NBEA: variants seen among roughly 807,000 people sequenced by gnomAD.
NBEA encodes neurobeachin.
In NBEA, 44 loss-of-function variants were observed where a neutral mutation model predicts 343.4. The ratio of observed to expected loss-of-function variants is 0.13; its 90% confidence interval spans 0.10 to 0.16. The LOEUF (loss-of-function observed/expected upper bound fraction) is 0.16. Among genes scored for constraint, NBEA ranks in the 10% least tolerant of loss-of-function variants. NBEA has a pLI of 1.00. For synonymous variants in NBEA, 1,175 were observed against 1,238.7 expected (o/e 0.95, Z 1.08); for missense variants, 2,555 against 3,631.3 (o/e 0.70, Z 7.62).
intron 34 of NBEA, among the ~76,000 whole-genome samples, chr13:35,235,100 A>G (rs1357053222): frequency 6.6e-6 from 1 of 152,194 alleles, no homozygotes; most frequent in Non-Finnish European, 1.5e-5. Context: ...TAGCCTAAAT[A>G]TTATGTTAGC....
chr13:35,242,007 G>A (rs922409325), intron 34 of NBEA, among the ~76,000 whole-genome samples: 30 of 151,744 alleles, frequency 2.0e-4, no homozygotes, highest in Non-Finnish European at 3.1e-4. Flanking sequence ...ATAGTACAAC[G>A]CACTCAAAGA....
rs867407100 is a variant in NBEA, at chr13:35,308,574, A to G, written c.5839-954A>G. ...TGTATATATGTATATATGTATATAT[A>G]TGTATATATGTATATATGTATATAT... is the stretch of plus-strand genomic sequence containing the variant. On this transcript the variant is annotated intron_variant, in intron 35 of 58. Transcript: ENST00000379939. 8.3e-4 allele frequency among the ~76,000 whole-genome samples: 103 copies of G among 124,090 alleles called. 1 individual carries two copies. The highest frequency in any genetic ancestry group is 3.1e-3 in the African/African-American group (92 of 30,122). 81.4% of individuals were successfully genotyped at this position (124,090 alleles called of 152,430 possible). A position where few individuals can be genotyped will look rare whatever the true frequency, so the allele number is the denominator to read the frequency against.
At chr13:35,559,129 G>T (rs893071220) in intron 44 of NBEA, among the ~76,000 whole-genome samples, 5 of 152,184 alleles carry the variant, frequency 3.3e-5, no homozygotes, top group African/African-American at 1.2e-4. Context: ...CAGCATTAAA[G>T]ACATGGGTGA....
intron 42 of NBEA, 48 bp downstream of exon 42, chr13:35,550,642 T>G (rs747869917): frequency 7.7e-6 from 9 of 1,165,532 alleles, no homozygotes; most frequent in African/African-American, 1.5e-5. Flanking sequence ...TATTTACATA[T>G]TATTCATTTA....
intron 18 of NBEA, among the ~76,000 whole-genome samples, chr13:35,153,624 A>G (rs909752215): frequency 1.3e-5 from 2 of 152,202 alleles, no homozygotes; most frequent in Non-Finnish European, 2.9e-5. Context: ...TAATCTTCCT[A>G]GCAGTTTTAT....
intron 21 of NBEA, among the ~76,000 whole-genome samples, chr13:35,158,367 A>C (rs1315783936): frequency 6.6e-6 from 1 of 152,110 alleles, no homozygotes. Context: ...CATTTTGTGA[A>C]GTATTGACAC....
Position 35,474,908 on chromosome 13 carries a change from T to G in NBEA, c.6585+2372T>G, listed in dbSNP as rs573671447. The G allele has an allele frequency of 7.2e-6, 7 of 967,274 alleles. No individual in the cohort carries two copies. In the East Asian group the frequency reaches 1.8e-4, roughly 25 times the overall value. 59.9% of individuals were successfully genotyped at this position (967,274 alleles called of 1,614,324 possible). A position where few individuals can be genotyped will look rare whatever the true frequency, so the allele number is the denominator to read the frequency against. ...CTTTTTCTCCCCTTGTGGGGGTGGG[T>G]GAGATGATGTTTAAATATTGTATTA... On this transcript the variant is annotated intron_variant, in intron 41 of 58. Transcript: ENST00000379939.
rs750655412 is a variant in NBEA at position 35,157,090 on chromosome 13, G to A, written c.2664G>A (p.Gln888=). The A allele has an allele frequency of 1.6e-5, 25 of 1,574,472 alleles. No homozygotes were observed. Among genetic ancestry groups the A allele is most frequent in the Non-Finnish European group, 1.8e-5 (21 of 1,162,190 alleles). ...TTTTTCTCCCTAGATGCTTATTGCA[G>A]TGTTCAGTGTGGCAGGATTGGATGT... ...NSRENRRCLL[Q]CSVWQDWMFS... The change falls in exon 21 of 59, where the codon CAG becomes CAA. Residue 888 remains glutamine, a synonymous_variant. Coordinates refer to ENST00000379939, the MANE Select transcript of NBEA (RefSeq NM_001385012.1).
At chr13:35,080,153 A>G (rs1379251660) in intron 10 of NBEA, among the ~76,000 whole-genome samples, 1 of 152,136 alleles carries the variant, frequency 6.6e-6, no homozygotes, top group Non-Finnish European at 1.5e-5. Flanking sequence ...AAGAGAGTAT[A>G]GGGGTCATGT....
chr13:35,053,627 G>A (rs2063143122), intron 6 of NBEA, among the ~76,000 whole-genome samples: 1 of 152,056 alleles, frequency 6.6e-6, no homozygotes, highest in Admixed American at 6.6e-5. Context: ...ATCCAAGGTT[G>A]GGATAGGGTA....
intron 35 of NBEA, among the ~76,000 whole-genome samples, chr13:35,290,972 T>A (rs1156442475): frequency 6.6e-6 from 1 of 151,798 alleles, no homozygotes; most frequent in Admixed American, 6.6e-5. Flanking sequence ...GCTGTTTGTC[T>A]TTAATAATCA....
chr13:35,146,451 T>C (rs1448633117), intron 18 of NBEA, among the ~76,000 whole-genome samples: 3 of 152,154 alleles, frequency 2.0e-5, no homozygotes, highest in Non-Finnish European at 4.4e-5. Flanking sequence ...GACCATGCTT[T>C]TGTGGGAGCC....
intron 13 of NBEA, among the ~76,000 whole-genome samples, chr13:35,116,387 A>G (rs1465567367): frequency 6.6e-6 from 1 of 152,052 alleles, no homozygotes; most frequent in Non-Finnish European, 1.5e-5. Context: ...TTTTCTGTAC[A>G]TTGGCAATAT....
intron 1 of NBEA, among the ~76,000 whole-genome samples, chr13:34,960,006 T>G (rs1277222107): frequency 6.6e-6 from 1 of 152,096 alleles, no homozygotes; most frequent in African/African-American, 2.4e-5. Flanking sequence ...AAAAAAAAAG[T>G]TAACTGTAAA....
intron 1 of NBEA, among the ~76,000 whole-genome samples, chr13:34,981,971 C>G (rs956936165): frequency 1.3e-5 from 2 of 151,184 alleles, no homozygotes; most frequent in African/African-American, 2.4e-5. Flanking sequence ...CTCTCTCTCT[C>G]TGTCTCTTAA....
At chr13:35,661,658 A>G (rs976547135) in intron 55 of NBEA, among the ~76,000 whole-genome samples, 6 of 152,184 alleles carry the variant, frequency 3.9e-5, no homozygotes, top group African/African-American at 1.2e-4. Flanking sequence ...CTCCTGACCG[A>G]TACCGCTCTT....
chr13:35,001,272 A>T (rs978363865), intron 1 of NBEA, among the ~76,000 whole-genome samples: 1 of 152,154 alleles, frequency 6.6e-6, no homozygotes, highest in African/African-American at 2.4e-5. Context: ...AAGTTTCTCA[A>T]ATAACTGAAA....
At chr13:35,318,651 G>C (rs1473898599) in intron 36 of NBEA, among the ~76,000 whole-genome samples, 3 of 152,128 alleles carry the variant, frequency 2.0e-5, no homozygotes, top group African/African-American at 7.2e-5. Context: ...TTTTTCTACT[G>C]TTTGGAATAG....
In NBEA at chr13:35,379,793, TG is replaced by T. The variant is rs1242315197; in HGVS notation, c.6179+27471del. The stretch of plus-strand genomic sequence containing the variant: ...TTTTTCTTACTGTAGTTAAGATGTT[TG>T]TTTCTGGACTCTCTCTACAGTTCTT... On this transcript the variant is annotated intron_variant, in intron 38 of 58. Coordinates refer to ENST00000379939, the MANE Select transcript of NBEA (RefSeq NM_001385012.1). Among the ~76,000 whole-genome samples the T allele has an allele frequency of 3.3e-5, 5 of 152,116 alleles. No individual in the cohort carries two copies. In the East Asian group the frequency reaches 7.7e-4, roughly 24 times the overall value.
Sources: allele counts gnomAD v4.1 joint callset (sites outside exome capture counted in the v4.1 genomes callset), GRCh38; gene constraint gnomAD v4.1.1; transcripts MANE v1.5; gene names NCBI Gene and HGNC (gene_info 2026-07-23, HGNC 2026-07-21).